The following PDE1A variants were observed in gnomAD, a reference collection of about 807,000 sequenced individuals.
PDE1A encodes the protein dual specificity calcium/calmodulin-dependent 3',5'-cyclic nucleotide phosphodiesterase 1A.
Under a neutral mutation model 61.7 loss-of-function variants are expected in PDE1A, and 35 were observed. The observed-to-expected ratio is 0.57, with a 90% CI of 0.43 to 0.75. The LOEUF is 0.75. PDE1A is among the 30% of genes least tolerant of loss of function. PDE1A has a pLI of 0.00. For synonymous variants in PDE1A, 232 were observed against 213.2 expected, an observed-to-expected ratio of 1.09 and a Z score of -0.77; for missense variants, 597 against 630.6, an observed-to-expected ratio of 0.95 and a Z score of 0.57.
chr2:182,421,439 G>T (rs1487230707), intron 1 of PDE1A, among the ~76,000 whole-genome samples: 1 of 152,102 alleles, frequency 6.6e-6, no homozygotes, highest in African/African-American at 2.4e-5. Flanking sequence ...TTATCCAAAA[G>T]ATTACATGCA....
chr2:182,557,385 C>T, the PDE1A span, among the ~76,000 whole-genome samples: 3 of 151,982 alleles, frequency 2.0e-5, no homozygotes, highest in Admixed American at 6.6e-5. Context: ...TAGATTATTT[C>T]GGCAATCACT....
At chr2:182,482,712 G>A (rs1687780575) in intron 2 of PDE1A, among the ~76,000 whole-genome samples, 1 of 151,948 alleles carries the variant, frequency 6.6e-6, no homozygotes, top group Non-Finnish European at 1.5e-5. Context: ...GGTCAACATG[G>A]ATATTTTACA....
At chr2:182,243,356 C>T (rs2568674) in intron 2 of PDE1A, among the ~76,000 whole-genome samples, 108,381 of 152,032 alleles carry the variant, frequency 0.71, 39,084 homozygotes, top group African/African-American at 0.83. Flanking sequence ...AGTTAAGACC[C>T]GAACAATGAG....
intron 1 of PDE1A, among the ~76,000 whole-genome samples, chr2:182,425,497 T>G (rs62190203): frequency 0.026 from 4,025 of 152,302 alleles, 76 homozygotes; most frequent in Middle Eastern, 0.065. Flanking sequence ...TAATTTATGT[T>G]CAAAGGAAGA....
At chr2:182,373,012 G>A (rs1400153351) in intron 1 of PDE1A, among the ~76,000 whole-genome samples, 3 of 152,202 alleles carry the variant, frequency 2.0e-5, no homozygotes, top group Admixed American at 2.0e-4. Context: ...CTGTGCACTG[G>A]GACCCTATGT....
At chr2:182,427,355 G>C (rs1402905293), upstream of PDE1A, among the ~76,000 whole-genome samples, 1 of 152,128 alleles carries the variant, frequency 6.6e-6, no homozygotes, top group East Asian at 1.9e-4. Flanking sequence ...TCAACTGATA[G>C]AAGCCCATGC....
chr2:182,201,333 T>C (rs576417304), intron 10 of PDE1A, 106 bp downstream of exon 10: 17 of 1,388,252 alleles, frequency 1.2e-5, no homozygotes, highest in South Asian at 8.4e-5. Context: ...AGGTGGCCAG[T>C]TGATAATAGT....
the PDE1A span, among the ~76,000 whole-genome samples, chr2:182,560,508 G>A: frequency 1.3e-5 from 2 of 150,990 alleles, no homozygotes; most frequent in African/African-American, 2.4e-5. Flanking sequence ...ATTGTGAATA[G>A]TGCCGCAATA....
intron 2 of PDE1A, among the ~76,000 whole-genome samples, chr2:182,451,371 T>G (rs1440042437): frequency 8.1e-6 from 1 of 122,768 alleles, no homozygotes; most frequent in African/African-American, 3.3e-5. Flanking sequence ...AGAGCGAGAC[T>G]CCGTCTCAAA....
At chr2:182,549,281 T>C in the PDE1A span, among the ~76,000 whole-genome samples, 8 of 152,220 alleles carry the variant, frequency 5.3e-5, no homozygotes, top group East Asian at 1.9e-4. Flanking sequence ...CTACTTTAAC[T>C]TGCAAACCAG....
the PDE1A span, among the ~76,000 whole-genome samples, chr2:182,710,653 C>T: frequency 6.6e-6 from 1 of 152,194 alleles, no homozygotes; most frequent in Non-Finnish European, 1.5e-5. Context: ...GTAATGTCTT[C>T]CACATTTATC....
intron 7 of PDE1A, among the ~76,000 whole-genome samples, chr2:182,212,247 A>C (rs1574716688): frequency 6.6e-6 from 1 of 151,182 alleles, no homozygotes. Flanking sequence ...ATCTTTCTAT[A>C]TATATATATG....
intron 13 of PDE1A, among the ~76,000 whole-genome samples, chr2:182,175,535 G>GT (rs1435244585): frequency 1.5e-5 from 2 of 131,976 alleles, no homozygotes; most frequent in Non-Finnish European, 3.2e-5. Context: ...GGGGTTGTTT[G>GT]TTTTTTTCTT....
chr2:182,250,135 C>T (rs1047620842), intron 2 of PDE1A, among the ~76,000 whole-genome samples: 4 of 152,096 alleles, frequency 2.6e-5, no homozygotes, highest in African/African-American at 4.8e-5. Context: ...CCTTCACATT[C>T]GGTCAATGCT....
At chr2:182,376,969 G>C (rs1243726620) in intron 1 of PDE1A, among the ~76,000 whole-genome samples, 1 of 152,192 alleles carries the variant, frequency 6.6e-6, no homozygotes, top group Non-Finnish European at 1.5e-5. Context: ...CTGCCCCCAT[G>C]ATTCAAATTA....
the PDE1A span, among the ~76,000 whole-genome samples, chr2:182,708,636 GA>G: frequency 6.6e-5 from 10 of 151,870 alleles, no homozygotes; most frequent in Admixed American, 5.2e-4. Flanking sequence ...CAGCATGGGG[GA>G]AACCACCCCC....
the PDE1A span, among the ~76,000 whole-genome samples, chr2:182,548,525 T>G: frequency 6.6e-6 from 1 of 152,150 alleles, no homozygotes; most frequent in African/African-American, 2.4e-5. Context: ...ATTTGGGAGT[T>G]TATTCAAAAA....
chr2:182,280,786 T>C (rs937953487), intron 1 of PDE1A, among the ~76,000 whole-genome samples: 3 of 151,900 alleles, frequency 2.0e-5, no homozygotes, highest in Non-Finnish European at 2.9e-5. Context: ...AAAAAATCAA[T>C]ACATGTGACC....
chr2:182,522,232 G>T, intron 2 of PDE1A: 1 of 1,523,134 alleles, frequency 6.6e-7, no homozygotes, highest in Non-Finnish European at 9.1e-7. Context: ...CACGTTAATA[G>T]TCAAATCTTT....
Sources: allele counts gnomAD v4.1 joint callset (sites outside exome capture counted in the v4.1 genomes callset), GRCh38; gene constraint gnomAD v4.1.1; transcripts MANE v1.5; gene names NCBI Gene and HGNC (gene_info 2026-07-23, HGNC 2026-07-21).